KIAA1328: variants seen among roughly 807,000 people sequenced by gnomAD.
The protein encoded by KIAA1328 is protein hinderin.
KIAA1328 carries 52 observed loss-of-function variants against 68.1 expected under a neutral mutation model. The ratio of observed to expected loss-of-function variants is 0.76; its 90% CI spans 0.61 to 0.96. KIAA1328 has a LOEUF of 0.96. Among genes scored for constraint, KIAA1328 ranks in the 40% least tolerant of loss-of-function variants. The probability of loss-of-function intolerance (pLI) is 0.00; values close to 1 mark genes in which losing one functional copy is unlikely to be tolerated. For synonymous variants in KIAA1328, 232 were observed against 239.4 expected (o/e 0.97, Z 0.28); for missense variants, 641 against 677.6 (o/e 0.95, Z 0.60).
chr18:37,106,256 A>G (rs1403589821), intron 7 of KIAA1328, among the ~76,000 whole-genome samples: 1 of 152,150 alleles, frequency 6.6e-6, no homozygotes, highest in African/African-American at 2.4e-5. Context: ...TTTCATTTGT[A>G]TGAAATGTCC....
At chr18:37,119,781 G>A (rs1000348306) in intron 7 of KIAA1328, among the ~76,000 whole-genome samples, 4 of 152,118 alleles carry the variant, frequency 2.6e-5, no homozygotes, top group Non-Finnish European at 5.9e-5. Flanking sequence ...GTATAGATTT[G>A]TGTTAATATA....
chr18:36,948,371 C>T (rs1430589171), intron 5 of KIAA1328, among the ~76,000 whole-genome samples: 1 of 148,870 alleles, frequency 6.7e-6, no homozygotes, highest in Admixed American at 6.8e-5. Flanking sequence ...AAGTGATTCT[C>T]CTGCCTCAGC....
chr18:37,110,669 G>A (rs543671954), intron 7 of KIAA1328, among the ~76,000 whole-genome samples: 24 of 152,270 alleles, frequency 1.6e-4, no homozygotes, highest in African/African-American at 5.8e-4. Context: ...TCTTTTATTT[G>A]TGGAATTTTC....
At chr18:36,955,352 C>T (rs2051367304) in intron 5 of KIAA1328, among the ~76,000 whole-genome samples, 1 of 149,800 alleles carries the variant, frequency 6.7e-6, no homozygotes, top group Admixed American at 6.6e-5. Flanking sequence ...CACTCTGTTG[C>T]CAGGCTGGAG....
intron 6 of KIAA1328, among the ~76,000 whole-genome samples, chr18:37,008,760 A>G (rs2053871829): frequency 6.6e-6 from 1 of 152,208 alleles, no homozygotes; most frequent in Non-Finnish European, 1.5e-5. Context: ...ACCCATAATG[A>G]AAAAATTCAG....
intron 7 of KIAA1328, among the ~76,000 whole-genome samples, chr18:37,120,999 G>A (rs1457272940): frequency 1.3e-5 from 2 of 152,106 alleles, no homozygotes. Flanking sequence ...AGCTTAAAGA[G>A]AGGAAAGACA....
chr18:36,973,616 A>G (rs1422926352), intron 6 of KIAA1328, among the ~76,000 whole-genome samples: 1 of 152,122 alleles, frequency 6.6e-6, no homozygotes, highest in Non-Finnish European at 1.5e-5. Context: ...GTGCGTACCC[A>G]TTCTGAATCC....
chr18:37,178,951 G>A (rs2059647131), intron 9 of KIAA1328, among the ~76,000 whole-genome samples: 1 of 152,074 alleles, frequency 6.6e-6, no homozygotes, highest in Non-Finnish European at 1.5e-5. Flanking sequence ...AGTTGTTTGA[G>A]TTCCTTATAT....
intron 5 of KIAA1328, among the ~76,000 whole-genome samples, chr18:36,897,356 G>A (rs1287516907): frequency 2.6e-5 from 4 of 151,944 alleles, no homozygotes; most frequent in African/African-American, 9.7e-5. Context: ...GATAATGCTG[G>A]GTTTCAATTA....
chr18:37,131,624 T>G (rs141364412), intron 7 of KIAA1328, among the ~76,000 whole-genome samples: 2 of 152,290 alleles, frequency 1.3e-5, no homozygotes, highest in African/African-American at 4.8e-5. Flanking sequence ...GAAGCCTTTT[T>G]GCACAACACA....
At chr18:36,998,814 A>G (rs1394227858) in intron 6 of KIAA1328, among the ~76,000 whole-genome samples, 1 of 152,262 alleles carries the variant, frequency 6.6e-6, no homozygotes, top group Non-Finnish European at 1.5e-5. Context: ...AAAAATAGGA[A>G]GAAGCGACTA....
At chr18:37,115,662 C>T (rs2058085124) in intron 7 of KIAA1328, among the ~76,000 whole-genome samples, 1 of 152,150 alleles carries the variant, frequency 6.6e-6, no homozygotes, top group South Asian at 2.1e-4. Flanking sequence ...AAGTTCTGGC[C>T]TGGGCAATCA....
At chr18:37,060,682 A>C (rs904210768) in intron 6 of KIAA1328, among the ~76,000 whole-genome samples, 1 of 152,260 alleles carries the variant, frequency 6.6e-6, no homozygotes, top group African/African-American at 2.4e-5. Context: ...ATTACTTTTA[A>C]TGGCAAAAAC....
chr18:36,875,666 T>C (rs2048096225), intron 4 of KIAA1328, among the ~76,000 whole-genome samples: 1 of 152,218 alleles, frequency 6.6e-6, no homozygotes, highest in Non-Finnish European at 1.5e-5. Context: ...TATTTCTTTC[T>C]CTTGCCTGAT....
chr18:37,006,941 T>C (rs1414177284), intron 6 of KIAA1328, among the ~76,000 whole-genome samples: 1 of 152,198 alleles, frequency 6.6e-6, no homozygotes. Flanking sequence ...AAAAGAGCAA[T>C]GCCTGAGTAA....
At chr18:37,201,395 T>A (rs1180462033) in intron 9 of KIAA1328, among the ~76,000 whole-genome samples, 2 of 152,152 alleles carry the variant, frequency 1.3e-5, no homozygotes, top group Non-Finnish European at 2.9e-5. Flanking sequence ...AATTCAGGAT[T>A]CAGTCTAAAT....
chr18:36,979,263 A>G (rs1205102269), intron 6 of KIAA1328, among the ~76,000 whole-genome samples: 1 of 152,170 alleles, frequency 6.6e-6, no homozygotes, highest in African/African-American at 2.4e-5. Context: ...TAGAAACCTT[A>G]AAGTTGAACC....
chr18:37,049,705 A>T (rs1400437385), intron 6 of KIAA1328, among the ~76,000 whole-genome samples: 1 of 152,184 alleles, frequency 6.6e-6, no homozygotes, highest in African/African-American at 2.4e-5. Flanking sequence ...ATGAACATAC[A>T]GGCTTAAGAA....
At chr18:36,916,409 G>A (rs368790342) in intron 5 of KIAA1328, among the ~76,000 whole-genome samples, 9 of 151,668 alleles carry the variant, frequency 5.9e-5, no homozygotes, top group African/African-American at 9.7e-5. Context: ...TGAATTTTTC[G>A]ATTTAAAAGT....
Sources: allele counts gnomAD v4.1 joint callset (sites outside exome capture counted in the v4.1 genomes callset), GRCh38; gene constraint gnomAD v4.1.1; transcripts MANE v1.5; gene names NCBI Gene and HGNC (gene_info 2026-07-23, HGNC 2026-07-21).